Variants in PGBD4 observed in about 807,000 individuals in gnomAD.
PGBD4 encodes the protein piggyBac transposable element-derived protein 4.
In PGBD4, 1 loss-of-function variant was observed where a neutral mutation model predicts 0.3. The ratio of observed to expected loss-of-function variants is 3.72; its 90% CI spans 1.32 to 17.64. The LOEUF (loss-of-function observed/expected upper bound fraction) is 17.64. PGBD4 is among the 30% of genes most tolerant of loss of function. The pLI is 0.11. For missense variants in PGBD4, 624 were observed against 719.7 expected (o/e 0.87, Z 1.52); for synonymous variants, 253 against 267.7 (o/e 0.95, Z 0.54).
rs925802373 is a variant in PGBD4, at chr15:34,106,982, G to C, written c.*2693G>C. The stretch of plus-strand genomic sequence containing the variant: ...TAAAAAAAAAAAAAAAAAAAAAAAA[G>C]ACAAAAAAACAAATCCATATATACA... On this transcript the variant is annotated 3_prime_UTR_variant, in exon 1 of 1. Transcript: ENST00000397766. 1 of 74,966 alleles carries C rather than the reference G, an allele frequency of 1.3e-5. No homozygotes were observed. The highest frequency in any genetic ancestry group is 5.0e-5 in the African/African-American group (1 of 20,010). The allele number at this position is 74,966 out of a possible 1,614,324, so 4.6% of individuals were successfully genotyped here. A position where few individuals can be genotyped will look rare whatever the true frequency, so the allele number is the denominator to read the frequency against.
rs1180297793 is a variant in PGBD4, at chr15:34,104,273, C to A, written c.1742C>A (p.Thr581Lys). Residue 581 changes from threonine (T) to lysine (K), a missense_variant, in exon 1 of 1, where the codon ACG (threonine) becomes AAG (lysine). Coordinates refer to ENST00000397766, the MANE Select transcript of PGBD4 (RefSeq NM_152595.5). ...GTTCCGTGCTTTGAAATTTACCACACGAAAAAAAATTATTAAATACCGATC... is the reference window on the plus strand; with the variant it reads ...GTTCCGTGCTTTGAAATTTACCACAAGAAAAAAAATTATTAAATACCGATC... ...CVVPCFEIYHTKKNY is the reference protein window; with the variant it reads ...CVVPCFEIYHKKKNY 5.0e-5 allele frequency: 81 copies of A among 1,605,090 alleles called. No individual in the cohort carries two copies. Among genetic ancestry groups the A allele is most frequent in the Admixed American group, 6.9e-5 (4 of 57,922 alleles).
In PGBD4 at chr15:34,107,871, A is replaced by G. The variant is rs1319778784; in HGVS notation, c.*3582A>G. The G allele has an allele frequency of 6.6e-6, 1 of 152,348 alleles. No individual in the cohort carries two copies. Among genetic ancestry groups the G allele is most frequent in the Non-Finnish European group, 1.5e-5 (1 of 68,152 alleles). 9.4% of individuals were successfully genotyped at this position (152,348 alleles called of 1,614,324 possible). ...GAGACAGGGTTTCACCATGTTGGCT[A>G]GGCTGACCTCGAACTCCTAACCTCA... On this transcript the variant is annotated 3_prime_UTR_variant, in exon 1 of 1. Transcript: ENST00000397766.
At position 34,102,526 on chromosome 15, in the gene PGBD4, G is replaced by T. The variant is rs1264766767; in HGVS notation, c.-6G>T. On this transcript the variant is annotated 5_prime_UTR_variant, in exon 1 of 1. Transcript: ENST00000397766. The surrounding 1 kb of genome is among the most constrained non-coding windows in gnomAD (Gnocchi z 4.7). The stretch of plus-strand genomic sequence containing the variant: ...CTACAAAATATAGTAATTCTCGATC[G>T]CTGAAATGTCAAATCCTAGAAAACG... 6.6e-7 allele frequency: 1 copy of T among 1,504,674 alleles called. No homozygotes were observed. Among genetic ancestry groups the T allele is most frequent in the Non-Finnish European group, 8.9e-7 (1 of 1,125,800 alleles). 93.2% of individuals were successfully genotyped at this position (1,504,674 alleles called of 1,614,324 possible).
chr15:34,104,218 T>A lies in PGBD4; in HGVS notation c.1687T>A (p.Cys563Ser). 6.2e-7 allele frequency: 1 copy of A among 1,614,200 alleles called. No individual in the cohort carries two copies. Among genetic ancestry groups the A allele is most frequent in the Non-Finnish European group, 8.5e-7 (1 of 1,180,042 alleles). The change falls in exon 1 of 1, where the codon TGT (cysteine) becomes AGT (serine). Residue 563 changes from cysteine (C) to serine (S), a missense_variant. Transcript: ENST00000397766. ...GATCCGGAAAGAAACGCGCTATTTT[T>A]GTGCCGAATGTGATGTTCCGCTTTG... ...KKIRKETRYF[C>S]AECDVPLCVV...
chr15:34,103,346 G>T lies in PGBD4; in HGVS notation c.815G>T (p.Arg272Leu). The T allele has an allele frequency of 2.5e-6, 4 of 1,614,194 alleles. No individual in the cohort carries two copies. In the South Asian group the frequency reaches 4.4e-5, roughly 18 times the overall value. Residue 272 changes from arginine (R) to leucine (L), a missense_variant, in exon 1 of 1, where the codon CGA becomes CTA. Transcript: ENST00000397766. This position sits in a 1 kb window ranked among gnomAD's most constrained non-coding sequence, Gnocchi z 4.6. Reference sequence around the variant, plus strand: ...CAGTACCTCCCGACAAAACGAGTACGATTTGGTCTGAAGCTATATGTACTT... The same window carrying T: ...CAGTACCTCCCGACAAAACGAGTACTATTTGGTCTGAAGCTATATGTACTT... The part of the protein sequence containing the change: ...MKQYLPTKRV[R>L]FGLKLYVLCE...
Position 34,102,958 on chromosome 15 carries a change from C to A in PGBD4, c.427C>A (p.Arg143=). 6.2e-7 allele frequency: 1 copy of A among 1,614,034 alleles called. No individual in the cohort carries two copies. The highest frequency in any genetic ancestry group is 8.5e-7 in the Non-Finnish European group (1 of 1,180,012). Residue 143 remains arginine (R), a synonymous_variant, in exon 1 of 1, where the codon CGA becomes AGA. Coordinates refer to ENST00000397766, the MANE Select transcript of PGBD4 (RefSeq NM_152595.5). This position sits in a 1 kb window ranked among gnomAD's most constrained non-coding sequence, Gnocchi z 4.7. The part of the protein sequence containing the change: ...SKPPGPKGFS[R]MDKWKDTDND... The stretch of plus-strand genomic sequence containing the variant: ...GCCACCGGGTCCGAAAGGATTTTCG[C>A]GAATGGATAAATGGAAAGACACTGA...
At position 34,102,522 on chromosome 15, in the gene PGBD4, G is replaced by A. The variant is rs757070393; in HGVS notation, c.-10G>A. On this transcript the variant is annotated 5_prime_UTR_variant, in exon 1 of 1. Coordinates refer to ENST00000397766, the MANE Select transcript of PGBD4 (RefSeq NM_152595.5). The surrounding 1 kb of genome is among the most constrained non-coding windows in gnomAD (Gnocchi z 4.7). ...CCATCTACAAAATATAGTAATTCTC[G>A]ATCGCTGAAATGTCAAATCCTAGAA... 4.7e-6 allele frequency: 7 copies of A among 1,499,124 alleles called. No individual in the cohort carries two copies. In the South Asian group the frequency reaches 9.3e-5, roughly 20 times the overall value. The allele number at this position is 1,499,124 out of a possible 1,614,324, so 92.9% of individuals were successfully genotyped here. A position where few individuals can be genotyped will look rare whatever the true frequency, so the allele number is the denominator to read the frequency against.
chr15:34,103,626 G>GA lies in PGBD4; in HGVS notation c.1102dup (p.Arg368LysfsTer14), dbSNP rs760924179. ...ACAGAAAACAGATTCCAAATGATCT[G>GA]AAAAAAAGGATTGCAAAGGGGACGA... is the stretch of plus-strand genomic sequence containing the variant. On this transcript the variant is annotated frameshift_variant, in exon 1 of 1. Transcript: ENST00000397766. LOFTEE classifies it low-confidence loss of function (END_TRUNC). This position sits in a 1 kb window ranked among gnomAD's most constrained non-coding sequence, Gnocchi z 4.6. 15 of 1,613,596 alleles carry GA rather than the reference G, an allele frequency of 9.3e-6. No homozygotes were observed. Among genetic ancestry groups the GA allele is most frequent in the East Asian group, 2.2e-5 (1 of 44,896 alleles).
rs547995886 is a variant in PGBD4, at chr15:34,104,532, G to A, written c.*243G>A. ...GCAGGAGAATTGCTTGAACCCATGA[G>A]GCGGAGGTTGCAGTGAGCTGAGATC... On this transcript the variant is annotated 3_prime_UTR_variant, in exon 1 of 1. Coordinates refer to ENST00000397766, the MANE Select transcript of PGBD4 (RefSeq NM_152595.5). The A allele has an allele frequency of 1.7e-5, 9 of 515,372 alleles. No homozygotes were observed. The East Asian group carries it at 3.0e-4, about 17-fold the overall frequency. The allele number at this position is 515,372 out of a possible 1,614,324, so 31.9% of individuals were successfully genotyped here. A position where few individuals can be genotyped will look rare whatever the true frequency, so the allele number is the denominator to read the frequency against.
In PGBD4 at chr15:34,108,422, C is replaced by T. The variant is rs758085124; in HGVS notation, c.*4133C>T. On this transcript the variant is annotated 3_prime_UTR_variant, in exon 1 of 1. Transcript: ENST00000397766. ...GCCTCAAAATCCTGATTTTGAAATA[C>T]AAAGTGCTGATTTTAAAATCAGTAC... The T allele has an allele frequency of 1.3e-5, 2 of 152,144 alleles. No individual in the cohort carries two copies. The highest frequency in any genetic ancestry group is 2.9e-5 in the Non-Finnish European group (2 of 68,004). 9.4% of individuals were successfully genotyped at this position (152,144 alleles called of 1,614,324 possible).
chr15:34,103,864 C>T lies in PGBD4; in HGVS notation c.1333C>T (p.Arg445Cys), dbSNP rs149600946. The T allele has an allele frequency of 2.6e-4, 423 of 1,613,922 alleles. 1 individual carries two copies. The highest frequency in any genetic ancestry group is 3.5e-4 in the Non-Finnish European group (413 of 1,180,040). The change falls in exon 1 of 1, where the codon CGC becomes TGC. Residue 445 changes from arginine (R) to cysteine (C), a missense_variant. By Grantham distance (180) the Arg-to-Cys change is radical. Transcript: ENST00000397766. This position sits in a 1 kb window ranked among gnomAD's most constrained non-coding sequence, Gnocchi z 4.6. ...DQMLTSYPSE[R>C]KRHKVWYKKF... ...AATGCTTACTTCTTATCCATCTGAG[C>T]GCAAAAGACACAAGGTTTGGTATAA... is the stretch of plus-strand genomic sequence containing the variant.
Position 34,107,878 on chromosome 15 carries a change from C to T in PGBD4, c.*3589C>T, listed in dbSNP as rs7167335. ...GGTTTCACCATGTTGGCTAGGCTGA[C>T]CTCGAACTCCTAACCTCAGGTGATC... On this transcript the variant is annotated 3_prime_UTR_variant, in exon 1 of 1. Coordinates refer to ENST00000397766, the MANE Select transcript of PGBD4 (RefSeq NM_152595.5). 150,730 of 152,420 alleles carry T rather than the reference C, an allele frequency of 0.99. 74,553 individuals are homozygous for T. Among genetic ancestry groups the T allele is most frequent in the Middle Eastern group, 1 (296 of 296 alleles). 9.4% of individuals were successfully genotyped at this position (152,420 alleles called of 1,614,324 possible). A position where few individuals can be genotyped will look rare whatever the true frequency, so the allele number is the denominator to read the frequency against.
chr15:34,103,345 C>G lies in PGBD4; in HGVS notation c.814C>G (p.Arg272Gly). The G allele has an allele frequency of 6.2e-7, 1 of 1,614,126 alleles. No individual in the cohort carries two copies. Among genetic ancestry groups the G allele is most frequent in the African/African-American group, 1.3e-5 (1 of 75,014 alleles). Residue 272 changes from arginine to glycine, a missense_variant, in exon 1 of 1, where the codon CGA (arginine) becomes GGA (glycine). Arg to Gly is a moderately radical substitution (Grantham distance 125). Coordinates refer to ENST00000397766, the MANE Select transcript of PGBD4 (RefSeq NM_152595.5). This position sits in a 1 kb window ranked among gnomAD's most constrained non-coding sequence, Gnocchi z 4.6. ...MKQYLPTKRV[R>G]FGLKLYVLCE... ...GCAGTACCTCCCGACAAAACGAGTA[C>G]GATTTGGTCTGAAGCTATATGTACT...
In PGBD4 at chr15:34,104,072, T is replaced by C. The variant is rs1369531736; in HGVS notation, c.1541T>C (p.Val514Ala). Reference protein sequence around the residue: ...HLRGRPCSDDVTPLRLSGRHF... With the variant: ...HLRGRPCSDDATPLRLSGRHF... ...CGAGGTCGTCCTTGCTCCGATGATG[T>C]CACACCTCTTCGTCTGTCTGGAAGA... The change falls in exon 1 of 1, where the codon GTC becomes GCC. Residue 514 changes from valine to alanine, a missense_variant. Physicochemically the swap from Val to Ala is moderately conservative, Grantham distance 64 (BLOSUM62 0). Transcript: ENST00000397766. 1.9e-6 allele frequency: 3 copies of C among 1,614,156 alleles called. No homozygotes were observed. The South Asian group carries it at 3.3e-5, about 18-fold the overall frequency.
At position 34,105,555 on chromosome 15, in the gene PGBD4, C is replaced by T. The variant is rs1887750909; in HGVS notation, c.*1266C>T. On this transcript the variant is annotated 3_prime_UTR_variant, in exon 1 of 1. Coordinates refer to ENST00000397766, the MANE Select transcript of PGBD4 (RefSeq NM_152595.5). ...GATGCCCAGAGCCACCCCTATACTC[C>T]AGTCTCCCTGGCATCAGCTACTGCA... The T allele has an allele frequency of 6.0e-6, 1 of 167,072 alleles. No homozygotes were observed. The highest frequency in any genetic ancestry group is 1.5e-5 in the Non-Finnish European group (1 of 68,126). 10.3% of individuals were successfully genotyped at this position (167,072 alleles called of 1,614,324 possible). A position where few individuals can be genotyped will look rare whatever the true frequency, so the allele number is the denominator to read the frequency against.
rs146189712 is a variant in PGBD4 at position 34,103,522 on chromosome 15, G to A, written c.991G>A (p.Asp331Asn). The stretch of plus-strand genomic sequence containing the variant: ...TGGCCAAGGGTATTGTGTCTTCCTC[G>A]ATAACTTTAATATATCTCCCATGCT... ...LLGQGYCVFL[D>N]NFNISPMLFR... The change falls in exon 1 of 1, where the codon GAT becomes AAT. Residue 331 changes from aspartate to asparagine, a missense_variant. Transcript: ENST00000397766. The surrounding 1 kb of genome is among the most constrained non-coding windows in gnomAD (Gnocchi z 4.6). The A allele has an allele frequency of 1.5e-5, 24 of 1,614,116 alleles. No individual in the cohort carries two copies. In the East Asian group the frequency reaches 1.6e-4, roughly 10 times the overall value.
rs1887781340 is a variant in PGBD4, at chr15:34,107,539, C to T, written c.*3250C>T. 6.6e-6 allele frequency: 1 copy of T among 152,336 alleles called. No homozygotes were observed. Among genetic ancestry groups the T allele is most frequent in the East Asian group, 1.9e-4 (1 of 5,188 alleles). 9.4% of individuals were successfully genotyped at this position (152,336 alleles called of 1,614,324 possible). ...AAATCTTCTTCCACAGAAGTTGTTGCAACTTTCACTCTCACCAGCAATGTG... is the reference window on the plus strand; with the variant it reads ...AAATCTTCTTCCACAGAAGTTGTTGTAACTTTCACTCTCACCAGCAATGTG... On this transcript the variant is annotated 3_prime_UTR_variant, in exon 1 of 1. Transcript: ENST00000397766.
rs1901239808 is a variant in PGBD4, at chr15:34,104,311, T to TA, written c.*22_*23insA. 8.2e-6 allele frequency: 13 copies of TA among 1,588,672 alleles called. No individual in the cohort carries two copies. The highest frequency in any genetic ancestry group is 1.0e-5 in the Non-Finnish European group (12 of 1,166,226). On this transcript the variant is annotated 3_prime_UTR_variant, in exon 1 of 1. Coordinates refer to ENST00000397766, the MANE Select transcript of PGBD4 (RefSeq NM_152595.5). Reference sequence around the variant, plus strand: ...TTAAATACCGATCATCATACACATCTGTTCCATTAGGATTAGAGACAAGTT... The same window carrying TA: ...TTAAATACCGATCATCATACACATCTAGTTCCATTAGGATTAGAGACAAGTT...
rs1485346267 is a variant in PGBD4, at chr15:34,102,788, A to G, written c.257A>G (p.Tyr86Cys). 1 of 1,614,078 alleles carries G rather than the reference A, an allele frequency of 6.2e-7. No homozygotes were observed. The highest frequency in any genetic ancestry group is 1.3e-5 in the African/African-American group (1 of 74,926). ...SARAMIPRQR[Y>C]DFTGTPGRKV... Reference sequence around the variant, plus strand: ...CGTGCTATGATTCCACGTCAAAGGTATGACTTTACCGGCACACCTGGCAGA... The same window carrying G: ...CGTGCTATGATTCCACGTCAAAGGTGTGACTTTACCGGCACACCTGGCAGA... The change falls in exon 1 of 1, where the codon TAT becomes TGT. Residue 86 changes from tyrosine (Y) to cysteine (C), a missense_variant. Transcript: ENST00000397766. The surrounding 1 kb of genome is among the most constrained non-coding windows in gnomAD (Gnocchi z 4.7).
Sources: gnomAD v4.1 joint callset for allele counts on GRCh38, gnomAD v4.1.1 for gene constraint, Gnocchi (gnomAD v3.1) non-coding constraint, MANE v1.5 for transcripts, NCBI Gene and HGNC (gene_info 2026-07-23, HGNC 2026-07-21) for gene names.